Variants in GINS4 observed in about 807,000 individuals in gnomAD.
GINS4 encodes the protein GINS complex subunit 4.
In GINS4, 20 loss-of-function variants were observed where a neutral mutation model predicts 31.1. The observed-to-expected ratio is 0.64, with a 90% confidence interval of 0.45 to 0.93. GINS4 has a LOEUF of 0.93. GINS4 is among the 40% of genes least tolerant of loss of function. The pLI is 0.00. For synonymous variants in GINS4, 85 were observed against 97.9 expected (o/e 0.87, Z 0.78); for missense variants, 245 against 273.9 (o/e 0.89, Z 0.75).
intron 4 of GINS4, among the ~76,000 whole-genome samples, chr8:41,538,686 CT>C (rs1443137619): frequency 6.6e-6 from 1 of 151,728 alleles, no homozygotes; most frequent in Non-Finnish European, 1.5e-5. Context: ...CATCAACCCC[CT>C]TTTTTTATTT....
intron 2 of GINS4, 27 bp from the exon 3 acceptor site, chr8:41,536,329 ATGCT>A (rs776178919): frequency 7.2e-7 from 1 of 1,393,446 alleles, no homozygotes; most frequent in South Asian, 1.2e-5. Flanking sequence ...GTGGTGGGTG[ATGCT>A]TGCTTTTTCT....
chr8:41,532,609 C>T (rs531477405), intron 2 of GINS4, among the ~76,000 whole-genome samples: 4 of 151,850 alleles, frequency 2.6e-5, no homozygotes, highest in East Asian at 1.9e-4. Context: ...CCGAGAGGGG[C>T]GGATCACCTG....
intron 2 of GINS4, among the ~76,000 whole-genome samples, chr8:41,534,864 G>C (rs1456436571): frequency 3.3e-5 from 5 of 151,932 alleles, no homozygotes; most frequent in Admixed American, 3.3e-4. Flanking sequence ...CAAGTAGCTG[G>C]GACTACAGGC....
At chr8:41,541,633 C>A (rs1328999740) in intron 6 of GINS4, among the ~76,000 whole-genome samples, 176 bp from the exon 7 acceptor site, 1 of 152,116 alleles carries the variant, frequency 6.6e-6, no homozygotes, top group Non-Finnish European at 1.5e-5. Flanking sequence ...ACAAAAGGCC[C>A]AATGCGTGTC....
rs117268832 is a variant in GINS4 at position 41,531,660 on chromosome 8, G to A, written c.96+1362G>A. Reference sequence around the variant, plus strand: ...CTGTGGTCTTTCATCCCACAATAACGCACACATGCACCCATGCAGAATTTT... The same window carrying A: ...CTGTGGTCTTTCATCCCACAATAACACACACATGCACCCATGCAGAATTTT... On this transcript the variant is annotated intron_variant, in intron 2 of 7. Coordinates refer to ENST00000276533, the MANE Select transcript of GINS4 (RefSeq NM_032336.3). Among the ~76,000 whole-genome samples, 448 of 152,110 alleles carry A rather than the reference G, an allele frequency of 2.9e-3. 9 individuals carry two copies. The East Asian group carries it at 0.034, about 11-fold the overall frequency.
intron 3 of GINS4, among the ~76,000 whole-genome samples, chr8:41,536,651 A>T (rs189399428): frequency 2.6e-5 from 4 of 152,334 alleles, no homozygotes; most frequent in Admixed American, 2.6e-4. Flanking sequence ...TTCCCATGAA[A>T]AGTCTAAAAT....
intron 2 of GINS4, among the ~76,000 whole-genome samples, chr8:41,532,782 G>A (rs889689531): frequency 2.7e-5 from 4 of 146,792 alleles, no homozygotes; most frequent in African/African-American, 1.0e-4. Flanking sequence ...GCAGAGAGCC[G>A]AGATCATGCC....
rs1483649754 is a variant in GINS4, at chr8:41,535,146, T to C, written c.97-1214T>C. On this transcript the variant is annotated intron_variant, in intron 2 of 7. Transcript: ENST00000276533. ...TGAGGTCAGGAGTTCAAGACCAGCC[T>C]GACGAATACGGTGAAACCCTGTCTC... Among the ~76,000 whole-genome samples, 4 of 152,194 alleles carry C rather than the reference T, an allele frequency of 2.6e-5. No homozygotes were observed. The East Asian group carries it at 7.8e-4, about 30-fold the overall frequency.
At chr8:41,539,467 C>A (rs1273291545) in intron 4 of GINS4, among the ~76,000 whole-genome samples, 1 of 152,032 alleles carries the variant, frequency 6.6e-6, no homozygotes. Flanking sequence ...CAATCCAAGC[C>A]GTCCCCTAGC....
intron 2 of GINS4, among the ~76,000 whole-genome samples, 164 bp from the exon 3 acceptor site, chr8:41,536,196 G>A (rs1806737896): frequency 6.6e-6 from 1 of 152,210 alleles, no homozygotes; most frequent in Non-Finnish European, 1.5e-5. Flanking sequence ...GAAAGCAATC[G>A]CTAAACGTAG....
chr8:41,543,618 T>G lies in GINS4; in HGVS notation c.*1531T>G, dbSNP rs1395001000. On this transcript the variant is annotated 3_prime_UTR_variant, in exon 8 of 8. Transcript: ENST00000276533. ...CCTGGTTGAAGTTGGCAGATTTCCA[T>G]TTGCAGGGTATGGGCTGCGAGAGTA... The G allele has an allele frequency of 6.6e-6, 1 of 152,172 alleles. No homozygotes were observed. The highest frequency in any genetic ancestry group is 2.4e-5 in the African/African-American group (1 of 41,448). The allele number at this position is 152,172 out of a possible 1,614,324, so 9.4% of individuals were successfully genotyped here. A position where few individuals can be genotyped will look rare whatever the true frequency, so the allele number is the denominator to read the frequency against.
At chr8:41,540,252 G>A (rs530332636) in intron 6 of GINS4, 12 of 544,930 alleles carry the variant, frequency 2.2e-5, no homozygotes, top group East Asian at 6.5e-5. Context: ...TTGTAGACTC[G>A]GGCATGGAGC....
chr8:41,539,669 T>A lies in GINS4; in HGVS notation c.298-9T>A. Reference sequence around the variant, plus strand: ...ATGTTTTCATGAAGATTTTGCTTTATCCTCACAGATAGAGAAGTTTTTCCC... The same window carrying A: ...ATGTTTTCATGAAGATTTTGCTTTAACCTCACAGATAGAGAAGTTTTTCCC... On this transcript the variant is annotated splice_polypyrimidine_tract_variant and intron_variant, in intron 4 of 7. Transcript: ENST00000276533. The A allele has an allele frequency of 6.2e-7, 1 of 1,600,452 alleles. No individual in the cohort carries two copies. The highest frequency in any genetic ancestry group is 8.6e-7 in the Non-Finnish European group (1 of 1,168,274).
rs779897589 is a variant in GINS4, at chr8:41,539,759, T to C, written c.379T>C (p.Leu127=). The change falls in exon 5 of 8, where the codon TTG becomes CTG. Residue 127 remains leucine (L), a synonymous_variant. Coordinates refer to ENST00000276533, the MANE Select transcript of GINS4 (RefSeq NM_032336.3). ...GEPSSLSPEE[L]AFAREFMANT... ...GCCTTCCAGCCTCTCGCCGGAAGAG[T>C]TGGCCTTTGCCAGAGAGTGAGTGAG... 2.5e-6 allele frequency: 4 copies of C among 1,613,934 alleles called. No homozygotes were observed. The South Asian group carries it at 3.3e-5, about 13-fold the overall frequency.
intron 2 of GINS4, among the ~76,000 whole-genome samples, chr8:41,534,691 A>G (rs1806709936): frequency 6.6e-6 from 1 of 152,102 alleles, no homozygotes; most frequent in Non-Finnish European, 1.5e-5. Flanking sequence ...ATTCAACATG[A>G]AATTCAAGCT....
intron 2 of GINS4, among the ~76,000 whole-genome samples, chr8:41,530,584 T>C (rs1362584363): frequency 6.6e-6 from 1 of 152,204 alleles, no homozygotes; most frequent in Non-Finnish European, 1.5e-5. Flanking sequence ...TCAGGGACTG[T>C]AGAGGTCCCT....
At chr8:41,536,083 C>G (rs1563254235) in intron 2 of GINS4, among the ~76,000 whole-genome samples, 1 of 152,164 alleles carries the variant, frequency 6.6e-6, no homozygotes, top group Non-Finnish European at 1.5e-5. Flanking sequence ...TGGTGTCACT[C>G]TCAGCACCAA....
intron 6 of GINS4, 143 bp downstream of exon 6, chr8:41,540,147 C>A (rs528250439): frequency 1.5e-6 from 1 of 656,126 alleles, no homozygotes; most frequent in African/African-American, 1.8e-5. Flanking sequence ...TAGCTAAAAA[C>A]CAAAAAAATC....
intron 6 of GINS4, among the ~76,000 whole-genome samples, chr8:41,541,418 C>T (rs890267584): frequency 1.3e-5 from 2 of 152,168 alleles, no homozygotes; most frequent in African/African-American, 4.8e-5. Context: ...TTAGGGCCCA[C>T]ACTACTTGGC....
Sources: allele counts gnomAD v4.1 joint callset (sites outside exome capture counted in the v4.1 genomes callset), GRCh38; gene constraint gnomAD v4.1.1; transcripts MANE v1.5; gene names NCBI Gene and HGNC (gene_info 2026-07-23, HGNC 2026-07-21).